Variants in RUBCN observed in about 807,000 individuals in gnomAD.
RUBCN encodes rubicon autophagy regulator.
A neutral mutation model predicts 113.2 loss-of-function variants in RUBCN; 74 were observed. The ratio of observed to expected loss-of-function variants is 0.65; its 90% CI spans 0.54 to 0.79. The LOEUF (loss-of-function observed/expected upper bound fraction) is 0.79. Ranked by LOEUF, RUBCN falls within the 30% of genes least tolerant of loss-of-function variation. The pLI, the probability that RUBCN is intolerant of heterozygous loss-of-function variation, is 0.00. For missense variants in RUBCN, 1,109 were observed against 1,251.7 expected, an observed-to-expected ratio of 0.89 and a Z score of 1.72; for synonymous variants, 480 against 490.0, an observed-to-expected ratio of 0.98 and a Z score of 0.27.
intron 5 of RUBCN, among the ~76,000 whole-genome samples, chr3:197,703,150 G>A (rs1011989040): frequency 6.6e-6 from 1 of 151,962 alleles, no homozygotes; most frequent in African/African-American, 2.4e-5. Flanking sequence ...TCTAATCCCA[G>A]CACTTTGGGA....
At chr3:197,735,766 A>G (rs1728054334) in intron 1 of RUBCN, among the ~76,000 whole-genome samples, 1 of 151,828 alleles carries the variant, frequency 6.6e-6, no homozygotes, top group Non-Finnish European at 1.5e-5. Context: ...TAATTTTTGT[A>G]TTTTTGTAGA....
intron 11 of RUBCN, among the ~76,000 whole-genome samples, chr3:197,686,523 T>C (rs1358745235): frequency 6.6e-6 from 1 of 152,214 alleles, no homozygotes; most frequent in Non-Finnish European, 1.5e-5. Context: ...CTGCGGGTCC[T>C]GGGCCTGCGC....
intron 5 of RUBCN, among the ~76,000 whole-genome samples, chr3:197,703,308 G>A (rs147026305): frequency 0.12 from 16,847 of 139,582 alleles, 1,147 homozygotes; most frequent in African/African-American, 0.19. Flanking sequence ...TGAGGCACAA[G>A]AATCGCCTGA....
upstream of RUBCN, chr3:197,737,076 C>G (rs921545330): frequency 1.7e-5 from 8 of 472,936 alleles, no homozygotes; most frequent in Admixed American, 1.1e-4. Context: ...GCAGGCCGCG[C>G]CCTCCAATCC....
chr3:197,701,177 C>T (rs754870546), intron 6 of RUBCN, 31 bp from the exon 7 acceptor site: 1 of 1,496,332 alleles, frequency 6.7e-7, no homozygotes, highest in Non-Finnish European at 8.9e-7. Context: ...GTAAGGGGAG[C>T]AAGGGTGAGG....
Position 197,676,984 on chromosome 3 carries a change from C to G in RUBCN, c.2547G>C (p.Leu849=). 6.2e-7 allele frequency: 1 copy of G among 1,614,124 alleles called. No homozygotes were observed. Among genetic ancestry groups the G allele is most frequent in the South Asian group, 1.1e-5 (1 of 91,074 alleles). Residue 849 remains leucine (L), a synonymous_variant, in exon 18 of 20, where the codon CTG becomes CTC. Transcript: ENST00000296343. ...TCGCAGTCAGGTCATTCAGTGAGTA[C>G]AGGTGGAGGTCCTCTGTCAGGTGGC... ...VPGHLTEDLH[L]YSLNDLTATR...
intron 9 of RUBCN, among the ~76,000 whole-genome samples, chr3:197,695,189 G>A (rs1275280719): frequency 6.9e-6 from 1 of 145,728 alleles, no homozygotes; most frequent in African/African-American, 2.5e-5. Flanking sequence ...AAGCCCAGGA[G>A]TTCAAGACCC....
At chr3:197,715,718 T>TG (rs549576918) in intron 2 of RUBCN, among the ~76,000 whole-genome samples, 10 of 152,250 alleles carry the variant, frequency 6.6e-5, no homozygotes, top group Non-Finnish European at 1.3e-4. Context: ...GGCTCTACCC[T>TG]GAGCCACAGT....
chr3:197,734,162 CAGG>C (rs1727844830), intron 1 of RUBCN, among the ~76,000 whole-genome samples: 1 of 150,122 alleles, frequency 6.7e-6, no homozygotes, highest in Non-Finnish European at 1.5e-5. Flanking sequence ...GAGGCTGAGG[CAGG>C]AGAATTGTTT....
At chr3:197,704,884 G>GA (rs1241541235) in intron 3 of RUBCN, among the ~76,000 whole-genome samples, 183 bp from the exon 4 acceptor site, 1 of 151,448 alleles carries the variant, frequency 6.6e-6, no homozygotes, top group Non-Finnish European at 1.5e-5. Flanking sequence ...CCCCAGAGGA[G>GA]AAAAAGTGGC....
intron 16 of RUBCN, among the ~76,000 whole-genome samples, chr3:197,679,574 G>A (rs1279348417): frequency 6.9e-6 from 1 of 145,458 alleles, no homozygotes; most frequent in Non-Finnish European, 1.5e-5. Context: ...ACTGTCCTAT[G>A]CTCTGACCAC....
chr3:197,679,872 C>T (rs113619297), intron 16 of RUBCN, among the ~76,000 whole-genome samples: 5,418 of 124,530 alleles, frequency 0.044, 423 homozygotes, highest in African/African-American at 0.14. Context: ...ACAACTGGCT[C>T]CAGACTGTCC....
rs998471815 is a variant in RUBCN at position 197,704,714 on chromosome 3, G to A, written c.304-13C>T. The A allele has an allele frequency of 2.8e-5, 45 of 1,613,046 alleles. No homozygotes were observed. Among genetic ancestry groups the A allele is most frequent in the Middle Eastern group, 1.8e-4 (1 of 5,430 alleles). On this transcript the variant is annotated splice_polypyrimidine_tract_variant and intron_variant, in intron 3 of 19. Coordinates refer to ENST00000296343, the MANE Select transcript of RUBCN (RefSeq NM_014687.4). ...GCACGCTGATGAACTGGGAAGCAAA[G>A]GGGCATGAGTCAAAACACACATCCT...
intron 1 of RUBCN, among the ~76,000 whole-genome samples, chr3:197,720,521 C>T (rs1726029756): frequency 1.3e-5 from 2 of 152,102 alleles, no homozygotes; most frequent in South Asian, 4.1e-4. Flanking sequence ...GATTCTCCTG[C>T]CTCAGCCTCC....
intron 11 of RUBCN, among the ~76,000 whole-genome samples, chr3:197,692,419 C>T (rs1722524444): frequency 6.6e-6 from 1 of 151,766 alleles, no homozygotes; most frequent in Admixed American, 6.6e-5. Flanking sequence ...ATCATTCAAG[C>T]AAATTATCCT....
At chr3:197,676,347 CTT>C (rs1202112333) in intron 18 of RUBCN, 15 of 997,730 alleles carry the variant, frequency 1.5e-5, no homozygotes, top group Middle Eastern at 5.1e-4. Context: ...TTTTTCCACT[CTT>C]GTCGCTCAGG....
intron 10 of RUBCN, 63 bp downstream of exon 10, chr3:197,694,312 C>T (rs1270697054): frequency 1.4e-6 from 2 of 1,418,018 alleles, no homozygotes; most frequent in Non-Finnish European, 1.0e-6. Flanking sequence ...CTGGTTTGGG[C>T]ACCAGGCCTT....
chr3:197,732,121 C>T (rs116149245), intron 1 of RUBCN, among the ~76,000 whole-genome samples: 1,723 of 152,310 alleles, frequency 0.011, 39 homozygotes, highest in African/African-American at 0.04. Flanking sequence ...TAAAACGGAT[C>T]TTACTCCTTG....
chr3:197,695,887 G>A lies in RUBCN; in HGVS notation c.1452C>T (p.Gly484=). 1 of 1,614,150 alleles carries A rather than the reference G, an allele frequency of 6.2e-7. No individual in the cohort carries two copies. Among genetic ancestry groups the A allele is most frequent in the Non-Finnish European group, 8.5e-7 (1 of 1,180,012 alleles). The change falls in exon 9 of 20, where the codon GGC becomes GGT. Residue 484 remains glycine (G), a synonymous_variant. Transcript: ENST00000296343. ...LISYLSEQDF[G]SCADLEKENA... ...CCACCTTTTCCAGGTCGGCACAGCT[G>A]CCGAAGTCTTGCTCAGAGAGGTAGC...
Sources: allele counts gnomAD v4.1 joint callset (sites outside exome capture counted in the v4.1 genomes callset), GRCh38; gene constraint gnomAD v4.1.1; transcripts MANE v1.5; gene names NCBI Gene and HGNC (gene_info 2026-07-23, HGNC 2026-07-21).